VWA3B: variants seen among roughly 807,000 people sequenced by gnomAD.
The protein encoded by VWA3B is von Willebrand factor A domain containing 3B.
VWA3B carries 138 observed loss-of-function variants against 158.3 expected under a neutral mutation model. That is an observed-to-expected ratio of 0.87 (90% CI 0.76 to 1.00). VWA3B has a LOEUF of 1.00. VWA3B is among the 50% of genes least tolerant of loss of function. VWA3B has a pLI of 0.00. For synonymous variants in VWA3B, 596 were observed against 587.3 expected, an observed-to-expected ratio of 1.01 and a Z score of -0.21; for missense variants, 1,555 against 1,565.1, an observed-to-expected ratio of 0.99 and a Z score of 0.11.
chr2:98,095,901 T>G (rs1392846901), intron 2 of VWA3B, among the ~76,000 whole-genome samples: 2 of 152,234 alleles, frequency 1.3e-5, no homozygotes, highest in East Asian at 3.8e-4. Context: ...TCCTTCATTC[T>G]GTTAATATGA....
At chr2:98,216,615 C>T in intron 13 of VWA3B, 1 of 435,922 alleles carries the variant, frequency 2.3e-6, no homozygotes, top group Non-Finnish European at 4.8e-6. Context: ...TGTGTGGAGC[C>T]CTGGCTGCAC....
intron 8 of VWA3B, among the ~76,000 whole-genome samples, chr2:98,166,573 G>A (rs996467911): frequency 2.0e-5 from 3 of 152,208 alleles, no homozygotes; most frequent in African/African-American, 7.2e-5. Flanking sequence ...CTTCATCCTG[G>A]ACTTCCAACC....
the VWA3B span, among the ~76,000 whole-genome samples, chr2:98,329,779 G>T: frequency 1.3e-5 from 2 of 152,172 alleles, no homozygotes; most frequent in Admixed American, 6.5e-5. Context: ...GGCTCAATCA[G>T]TCGAAAGGCC....
rs553942124 is a variant in VWA3B at position 98,156,500 on chromosome 2, C to A, written c.989-6351C>A. Among the ~76,000 whole-genome samples the A allele has an allele frequency of 3.7e-4, 57 of 152,210 alleles. 1 individual carries two copies. In the South Asian group the frequency reaches 0.011, roughly 30 times the overall value. ...GAGCAGATGCCGGTGCGGGGTTGCT[C>A]CCCAGTAACAATAGTCCTAGCCCTG... On this transcript the variant is annotated intron_variant, in intron 7 of 27. Coordinates refer to ENST00000477737, the MANE Select transcript of VWA3B (RefSeq NM_144992.5).
chr2:98,269,654 C>T (rs1238627502), intron 21 of VWA3B, among the ~76,000 whole-genome samples: 2 of 152,200 alleles, frequency 1.3e-5, no homozygotes, highest in South Asian at 2.1e-4. Flanking sequence ...CAAAATGCAA[C>T]AAGCTTTCTT....
chr2:98,092,816 G>GTATCTA (rs1553633938), intron 1 of VWA3B, among the ~76,000 whole-genome samples: 1 of 51,478 alleles, frequency 1.9e-5, no homozygotes, highest in African/African-American at 5.7e-5. Context: ...AGATGTTTTT[G>GTATCTA]TATATATATA....
intron 7 of VWA3B, among the ~76,000 whole-genome samples, chr2:98,140,199 C>G (rs958702978): frequency 2.6e-5 from 4 of 152,238 alleles, no homozygotes; most frequent in Admixed American, 2.0e-4. Flanking sequence ...AGGTCCGTGG[C>G]TTCATTCTTG....
At chr2:98,115,101 C>CTTTTTTTTTTTTTTTTTTTTTTTTTTT (rs369549458) in intron 2 of VWA3B, among the ~76,000 whole-genome samples, 3 of 131,644 alleles carry the variant, frequency 2.3e-5, no homozygotes, top group Non-Finnish European at 1.7e-5. Context: ...TCCTATGTTG[C>CTTTTTTTTTTTTTTTTTTTTTTTTTTT]TTTTTTTTTT....
chr2:98,226,858 A>G (rs1188730307), intron 14 of VWA3B, among the ~76,000 whole-genome samples: 1 of 152,214 alleles, frequency 6.6e-6, no homozygotes, highest in Admixed American at 6.5e-5. Context: ...CTTCAGGTTA[A>G]AAACTCTCCA....
chr2:98,149,818 A>T (rs1193625349), intron 7 of VWA3B, among the ~76,000 whole-genome samples: 1 of 152,226 alleles, frequency 6.6e-6, no homozygotes, highest in Non-Finnish European at 1.5e-5. Context: ...GGAGATTTAA[A>T]AAGCTATAAT....
At chr2:98,128,146 AGAGATCG>A in intron 5 of VWA3B, 86 bp from the exon 6 acceptor site, 1 of 1,457,708 alleles carries the variant, frequency 6.9e-7, no homozygotes, top group Admixed American at 2.0e-5. Flanking sequence ...ATTTTTTCTA[AGAGATCG>A]TTTTGTAGAA....
intron 2 of VWA3B, among the ~76,000 whole-genome samples, chr2:98,109,174 T>G (rs1673934509): frequency 1.3e-5 from 2 of 152,120 alleles, no homozygotes; most frequent in African/African-American, 4.8e-5. Flanking sequence ...GTATTTTTAG[T>G]AAAGACAGGG....
At chr2:98,103,085 T>C (rs952988854) in intron 2 of VWA3B, among the ~76,000 whole-genome samples, 2 of 152,226 alleles carry the variant, frequency 1.3e-5, no homozygotes, top group Non-Finnish European at 2.9e-5. Flanking sequence ...GTAGGATCTG[T>C]AGTGATGTCA....
chr2:98,230,352 A>G (rs956962633), intron 16 of VWA3B, 145 bp downstream of exon 16: 23 of 835,986 alleles, frequency 2.8e-5, no homozygotes, highest in Non-Finnish European at 3.5e-5. Context: ...ATAATTGTAC[A>G]TTCACATGAT....
chr2:98,255,224 G>T (rs1687053249), intron 20 of VWA3B, among the ~76,000 whole-genome samples: 1 of 130,092 alleles, frequency 7.7e-6, no homozygotes, highest in Non-Finnish European at 1.6e-5. Flanking sequence ...TACAGACAGG[G>T]TTTCACCATG....
chr2:98,297,862 ATGT>A (rs1410958572), intron 23 of VWA3B, 42 bp from the exon 24 acceptor site: 2 of 1,446,834 alleles, frequency 1.4e-6, no homozygotes, highest in Non-Finnish European at 1.8e-6. Context: ...AAGGGAAGGG[ATGT>A]TATTTGTCTT....
chr2:98,128,017 A>G, intron 5 of VWA3B: 1 of 488,110 alleles, frequency 2.0e-6, no homozygotes, highest in Non-Finnish European at 3.7e-6. Context: ...CTCGTGCCTT[A>G]CCCAAGACAA....
intron 2 of VWA3B, among the ~76,000 whole-genome samples, chr2:98,114,110 T>C (rs1428236072): frequency 6.6e-6 from 1 of 152,220 alleles, no homozygotes; most frequent in Non-Finnish European, 1.5e-5. Context: ...GTCCAGAATT[T>C]ATCATATTTT....
intron 13 of VWA3B, 109 bp from the exon 14 acceptor site, chr2:98,217,737 A>G: frequency 9.4e-7 from 1 of 1,062,664 alleles, no homozygotes; most frequent in South Asian, 1.8e-5. Context: ...ACCACTGTAT[A>G]CAGAATTACT....
Sources: gnomAD v4.1 joint callset for allele counts (sites outside exome capture counted in the v4.1 genomes callset) on GRCh38, gnomAD v4.1.1 for gene constraint, MANE v1.5 for transcripts, NCBI Gene and HGNC (gene_info 2026-07-23, HGNC 2026-07-21) for gene names.